The following NOD2 variants were observed in gnomAD, a reference collection of about 807,000 sequenced individuals.
The protein encoded by NOD2 is nucleotide binding oligomerization domain containing 2.
A neutral mutation model predicts 90.9 loss-of-function variants in NOD2; 86 were observed. That is an observed-to-expected ratio of 0.95 (90% CI 0.79 to 1.13). The LOEUF is 1.13. Among genes scored for constraint, NOD2 ranks in the 50% most tolerant of loss-of-function variants. The pLI, the probability that NOD2 is intolerant of heterozygous loss-of-function variation, is 0.00. For missense variants in NOD2, 1,238 were observed against 1,283.8 expected (o/e 0.96, Z 0.55); for synonymous variants, 581 against 554.6 (o/e 1.05, Z -0.67).
Position 50,710,899 on chromosome 16 carries a change from C to T in NOD2, c.907C>T (p.Pro303Ser), listed in dbSNP as rs773132030. The change falls in exon 4 of 12, where the codon CCA becomes TCA. Residue 303 changes from proline (P) to serine (S), a missense_variant. Around this residue, in one of 3 missense-constraint regions of NOD2, gnomAD observed 567 missense variants for 577.3 expected, o/e 0.98. Coordinates refer to ENST00000647318, the MANE Select transcript of NOD2 (RefSeq NM_001370466.1). ...QDFQEFLFVFPFSCRQLQCMA... is the reference protein window; with the variant it reads ...QDFQEFLFVFSFSCRQLQCMA... ...CTTCCAGGAATTTCTCTTTGTCTTC[C>T]CATTCAGCTGCCGGCAGCTGCAGTG... 131 of 1,614,032 alleles carry T rather than the reference C, an allele frequency of 8.1e-5. No individual in the cohort carries two copies. Among genetic ancestry groups the T allele is most frequent in the Non-Finnish European group, 1.0e-4 (123 of 1,180,026 alleles).
At chr16:50,722,484 C>T (rs537691097) in intron 7 of NOD2, 138 bp from the exon 8 acceptor site, 279 of 847,622 alleles carry the variant, frequency 3.3e-4, no homozygotes, top group Non-Finnish European at 4.6e-4. Flanking sequence ...GACCAGGAGC[C>T]CCAGTGAGGC....
intron 7 of NOD2, 61 bp from the exon 8 acceptor site, chr16:50,722,561 T>C (rs1965105496): frequency 6.8e-7 from 1 of 1,477,976 alleles, no homozygotes; most frequent in Admixed American, 1.7e-5. Flanking sequence ...TGTTAGTTCA[T>C]GTCTAGAACA....
At position 50,711,813 on chromosome 16, in the gene NOD2, G is replaced by A. The variant is rs1176944571; in HGVS notation, c.1821G>A (p.Arg607=). 1.2e-6 allele frequency: 2 copies of A among 1,614,008 alleles called. No individual in the cohort carries two copies. Among genetic ancestry groups the A allele is most frequent in the South Asian group, 1.1e-5 (1 of 91,096 alleles). Residue 607 remains arginine (R), a synonymous_variant, in exon 4 of 12, where the codon AGG becomes AGA. Transcript: ENST00000647318. ...TCAGACACCTCTTCAATTGTGGCAGGCCAGGCAACTCACCAATGGCCAGGC... is the reference window on the plus strand; with the variant it reads ...TCAGACACCTCTTCAATTGTGGCAGACCAGGCAACTCACCAATGGCCAGGC... ...ALLRHLFNCG[R]PGNSPMARLL...
chr16:50,712,508 C>T, intron 4 of NOD2, 135 bp downstream of exon 4: 1 of 1,063,510 alleles, frequency 9.4e-7, no homozygotes, highest in Non-Finnish European at 1.4e-6. Flanking sequence ...CTGCCCAGAT[C>T]CCTTCCCTTC....
intron 2 of NOD2, 83 bp from the exon 3 acceptor site, chr16:50,707,772 A>T: frequency 1.1e-6 from 1 of 922,556 alleles, no homozygotes; most frequent in South Asian, 1.3e-5. Context: ...AGAGATGCTT[A>T]TGAAGTTGCA....
rs768775316 is a variant in NOD2, at chr16:50,699,503, C to T, written c.8C>T (p.Ser3Leu). 2.3e-5 allele frequency: 37 copies of T among 1,613,198 alleles called. No homozygotes were observed. Among genetic ancestry groups the T allele is most frequent in the Non-Finnish European group, 3.0e-5 (35 of 1,179,992 alleles). The change falls in exon 2 of 12, where the codon TCG (serine) becomes TTG (leucine). Residue 3 changes from serine (S) to leucine (L), a missense_variant. Physicochemically the swap from Ser to Leu is moderately radical, Grantham distance 145. This residue lies in a region of NOD2 where 567 missense variants were observed against 577.3 expected (regional missense o/e 0.98). Transcript: ENST00000647318. MC[S>L]QEAFQAQRSQ... ...TCCTCCCCAGGTTGTGAAATGTGCT[C>T]GCAGGAGGCTTTTCAGGCACAGAGG... is the stretch of plus-strand genomic sequence containing the variant.
At chr16:50,719,638 C>G (rs868174871) in intron 6 of NOD2, 1 of 556,868 alleles carries the variant, frequency 1.8e-6, no homozygotes, top group Middle Eastern at 4.6e-4. Context: ...CCTCGCTGTC[C>G]CGGGGAAACC....
Position 50,711,234 on chromosome 16 carries a change from G to A in NOD2, c.1242G>A (p.Glu414=), listed in dbSNP as rs1224862712. ...SAFLRKYIRT[E]FNLKGFSEQG... ...TCCTCAGGAAGTACATCCGCACCGA[G>A]TTCAACCTCAAGGGCTTCTCTGAAC... The change falls in exon 4 of 12, where the codon GAG becomes GAA. Residue 414 remains glutamate (E), a synonymous_variant. Coordinates refer to ENST00000647318, the MANE Select transcript of NOD2 (RefSeq NM_001370466.1). 6.2e-7 allele frequency: 1 copy of A among 1,614,034 alleles called. No homozygotes were observed. The highest frequency in any genetic ancestry group is 1.7e-5 in the Admixed American group (1 of 60,036).
intron 4 of NOD2, among the ~76,000 whole-genome samples, chr16:50,715,199 C>A (rs368237819): frequency 6.6e-6 from 1 of 152,252 alleles, no homozygotes; most frequent in East Asian, 1.9e-4. Flanking sequence ...GGCAAAGTCA[C>A]TTCGCTTGTC....
At chr16:50,714,491 C>A (rs892811115) in intron 4 of NOD2, among the ~76,000 whole-genome samples, 1 of 152,108 alleles carries the variant, frequency 6.6e-6, no homozygotes, top group Admixed American at 6.5e-5. Context: ...GCTTGGTTTT[C>A]CATTAGCAAT....
At chr16:50,721,530 C>T (rs950972040) in intron 7 of NOD2, among the ~76,000 whole-genome samples, 4 of 151,850 alleles carry the variant, frequency 2.6e-5, no homozygotes, top group African/African-American at 9.7e-5. Flanking sequence ...CTCACTCTGT[C>T]ACCCAGGCTG....
Position 50,711,913 on chromosome 16 carries a change from C to G in NOD2, c.1921C>G (p.Pro641Ala), listed in dbSNP as rs762143113. ...GGCAGCTTTGCTGCAGAAGGCCGAG[C>G]CGCACAACCTTCAGATCACAGCAGC... ...SVAALLQKAE[P>A]HNLQITAAFL... The change falls in exon 4 of 12, where the codon CCG (proline) becomes GCG (alanine). Residue 641 changes from proline to alanine, a missense_variant. By Grantham distance (27) the Pro-to-Ala change is conservative. Around this residue, in one of 3 missense-constraint regions of NOD2, gnomAD observed 667 missense variants for 688.7 expected, o/e 0.97. Transcript: ENST00000647318. 2 of 1,608,426 alleles carry G rather than the reference C, an allele frequency of 1.2e-6. No individual in the cohort carries two copies. The highest frequency in any genetic ancestry group is 1.7e-6 in the Non-Finnish European group (2 of 1,175,842).
intron 2 of NOD2, 38 bp from the exon 3 acceptor site, chr16:50,707,817 C>G (rs372030301): frequency 7.0e-7 from 1 of 1,421,290 alleles, no homozygotes; most frequent in Non-Finnish European, 1.0e-6. Context: ...GCTCCATCAG[C>G]CTTCCTGGAA....
At chr16:50,712,611 A>G in intron 4 of NOD2, 2 of 587,504 alleles carry the variant, frequency 3.4e-6, no homozygotes, top group Non-Finnish European at 6.1e-6. Flanking sequence ...GAATGACCTC[A>G]TCTAATCTCT....
At chr16:50,707,412 GA>G (rs1435562452) in intron 2 of NOD2, among the ~76,000 whole-genome samples, 3 of 152,202 alleles carry the variant, frequency 2.0e-5, no homozygotes, top group Non-Finnish European at 2.9e-5. Context: ...AGTGGAGATG[GA>G]AAATAGGCAG....
chr16:50,714,603 T>G (rs1964693316), intron 4 of NOD2, among the ~76,000 whole-genome samples: 1 of 35,584 alleles, frequency 2.8e-5, no homozygotes, highest in Non-Finnish European at 6.7e-5. Context: ...GTGAGTGCAC[T>G]GTGTGTGTGT....
chr16:50,705,538 C>T (rs1383922590), intron 2 of NOD2, among the ~76,000 whole-genome samples: 5 of 152,192 alleles, frequency 3.3e-5, no homozygotes, highest in Non-Finnish European at 5.9e-5. Context: ...CTTTAGATCT[C>T]GCCTCCTGGG....
chr16:50,720,620 T>G (rs1407467732), intron 7 of NOD2, among the ~76,000 whole-genome samples: 1 of 152,158 alleles, frequency 6.6e-6, no homozygotes, highest in East Asian at 1.9e-4. Context: ...GCACCCAGGC[T>G]TGCACCTGTG....
intron 5 of NOD2, 90 bp downstream of exon 5, chr16:50,716,760 G>A (rs562312663): frequency 5.4e-6 from 8 of 1,486,608 alleles, no homozygotes; most frequent in Non-Finnish European, 7.5e-6. Flanking sequence ...GTGATGGGCT[G>A]GGGCAGGGGC....
Sources: gnomAD v4.1 joint callset for allele counts (sites outside exome capture counted in the v4.1 genomes callset) on GRCh38, gnomAD v4.1.1 for gene constraint, gnomAD v4.1.1 regional missense constraint, MANE v1.5 for transcripts, NCBI Gene and HGNC (gene_info 2026-07-23, HGNC 2026-07-21) for gene names.